Variants in ATXN2 observed in about 807,000 individuals in gnomAD.
ATXN2 encodes the protein ataxin 2.
In ATXN2, 37 loss-of-function variants were observed where a neutral mutation model predicts 138.6. The observed-to-expected ratio is 0.27, with a 90% CI of 0.21 to 0.35. ATXN2 has a LOEUF of 0.35. Ranked by LOEUF, ATXN2 falls within the 10% of genes least tolerant of loss-of-function variation. The pLI is 1.00. For missense variants in ATXN2, 1,216 were observed against 1,480.3 expected (o/e 0.82, Z 2.93); for synonymous variants, 549 against 543.7 (o/e 1.01, Z -0.13).
intron 6 of ATXN2, among the ~76,000 whole-genome samples, chr12:111,522,683 T>A (rs1319172943): frequency 6.6e-6 from 1 of 150,994 alleles, no homozygotes. Flanking sequence ...GAGGCCAAGG[T>A]GGGTGGATCA....
chr12:111,553,604 A>AATTTTTTT (rs1882237738), intron 3 of ATXN2, among the ~76,000 whole-genome samples: 32 of 85,008 alleles, frequency 3.8e-4, no homozygotes, highest in African/African-American at 1.8e-3. Context: ...AAAAAAAAAA[A>AATTTTTTT]TTTTTTTTTT....
At chr12:111,584,081 T>C (rs1463754095) in intron 1 of ATXN2, among the ~76,000 whole-genome samples, 1 of 146,134 alleles carries the variant, frequency 6.8e-6, no homozygotes, top group Admixed American at 6.6e-5. Flanking sequence ...AATAAAAAAT[T>C]ACTTAAAAAA....
At chr12:111,581,791 T>C (rs547122199) in intron 1 of ATXN2, 19 of 533,722 alleles carry the variant, frequency 3.6e-5, no homozygotes, top group Non-Finnish European at 5.7e-5. Flanking sequence ...TCAGGAGGCA[T>C]TATCTAGGCC....
Position 111,598,327 on chromosome 12 carries a change from C to T in ATXN2, c.251+457G>A. The T allele has an allele frequency of 2.0e-6, 2 of 993,450 alleles. No individual in the cohort carries two copies. Among genetic ancestry groups the T allele is most frequent in the Non-Finnish European group, 2.4e-6 (2 of 834,608 alleles). 61.5% of individuals were successfully genotyped at this position (993,450 alleles called of 1,614,324 possible). Reference sequence around the variant, plus strand: ...CTAACTTCTCCCCTCCAGAGATGTCCCCCATGGAGGGGGACATGTTCCGGA... The same window carrying T: ...CTAACTTCTCCCCTCCAGAGATGTCTCCCATGGAGGGGGACATGTTCCGGA... On this transcript the variant is annotated intron_variant, in intron 1 of 24. Coordinates refer to ENST00000673436, the MANE Select transcript of ATXN2 (RefSeq NM_001372574.1). The surrounding 1 kb of genome is among the most constrained non-coding windows in gnomAD (Gnocchi z 4.5).
intron 18 of ATXN2, among the ~76,000 whole-genome samples, chr12:111,483,814 G>A (rs532331014): frequency 3.9e-5 from 6 of 151,964 alleles, no homozygotes; most frequent in Non-Finnish European, 5.9e-5. Context: ...GCAGGGTTTC[G>A]CTCTTTCACC....
intron 14 of ATXN2, among the ~76,000 whole-genome samples, chr12:111,494,446 G>C (rs1272592195): frequency 7.5e-5 from 10 of 134,112 alleles, no homozygotes; most frequent in Admixed American, 7.1e-4. Context: ...TTTTTTTTGA[G>C]ACGGAGTCTC....
intron 1 of ATXN2, among the ~76,000 whole-genome samples, chr12:111,559,664 T>G (rs989586956): frequency 1.3e-5 from 2 of 149,956 alleles, no homozygotes; most frequent in African/African-American, 4.9e-5. Context: ...CCCAGATATT[T>G]GGGGAGGCTG....
intron 18 of ATXN2, among the ~76,000 whole-genome samples, chr12:111,477,225 G>A (rs934622908): frequency 2.6e-5 from 4 of 151,408 alleles, no homozygotes; most frequent in Non-Finnish European, 4.4e-5. Context: ...GTGTAGTGGC[G>A]GGCACCTGTA....
intron 18 of ATXN2, among the ~76,000 whole-genome samples, chr12:111,484,607 T>G (rs1230671635): frequency 6.6e-6 from 1 of 152,156 alleles, no homozygotes; most frequent in Non-Finnish European, 1.5e-5. Flanking sequence ...CGGCTAATTT[T>G]TGTATTTTAG....
Position 111,453,834 on chromosome 12 carries a change from C to A in ATXN2, c.3282G>T (p.Gln1094His). 3 of 1,612,284 alleles carry A rather than the reference C, an allele frequency of 1.9e-6. No individual in the cohort carries two copies. The highest frequency in any genetic ancestry group is 2.5e-6 in the Non-Finnish European group (3 of 1,179,032). ...HMAHVPQAHVQSGMVPSHPTA... is the reference protein window; with the variant it reads ...HMAHVPQAHVHSGMVPSHPTA... ...TTGGATGAGAAGGAACCATTCCTGA[C>A]TGTACATGAGCCTGAAACAGAGAGC... Residue 1094 changes from glutamine to histidine, a missense_variant, in exon 24 of 25, where the codon CAG (glutamine) becomes CAT (histidine). By Grantham distance (24) the Gln-to-His change is conservative. Transcript: ENST00000673436. This position sits in a 1 kb window ranked among gnomAD's most constrained non-coding sequence, Gnocchi z 5.4.
intron 21 of ATXN2, among the ~76,000 whole-genome samples, chr12:111,461,561 A>G (rs1274464348): frequency 6.6e-6 from 1 of 152,050 alleles, no homozygotes; most frequent in Non-Finnish European, 1.5e-5. Flanking sequence ...CTAGTAACAA[A>G]AATACAGTTC....
rs1183464612 is a variant in ATXN2 at position 111,453,170 on chromosome 12, G to A, written c.3440-330C>T. The A allele has an allele frequency of 3.4e-5, 39 of 1,138,018 alleles. No individual in the cohort carries two copies. Among genetic ancestry groups the A allele is most frequent in the South Asian group, 6.5e-5 (2 of 30,884 alleles). 70.5% of individuals were successfully genotyped at this position (1,138,018 alleles called of 1,614,324 possible). A position where few individuals can be genotyped will look rare whatever the true frequency, so the allele number is the denominator to read the frequency against. ...ATAACAGGTCAGACTGTGAAGTATCGCCATGGCAGCCATCAAGTAGTAGAG... is the reference window on the plus strand; with the variant it reads ...ATAACAGGTCAGACTGTGAAGTATCACCATGGCAGCCATCAAGTAGTAGAG... On this transcript the variant is annotated intron_variant, in intron 24 of 24. Transcript: ENST00000673436. The surrounding 1 kb of genome is among the most constrained non-coding windows in gnomAD (Gnocchi z 5.4).
chr12:111,575,238 G>A (rs753035324), intron 1 of ATXN2, among the ~76,000 whole-genome samples: 1 of 152,016 alleles, frequency 6.6e-6, no homozygotes, highest in African/African-American at 2.4e-5. Flanking sequence ...AGGGGCTGGA[G>A]CGCAGTGCTG....
chr12:111,530,251 G>T (rs1042697242), intron 5 of ATXN2, among the ~76,000 whole-genome samples: 5 of 152,192 alleles, frequency 3.3e-5, no homozygotes, highest in African/African-American at 1.2e-4. Flanking sequence ...ATTCACATTT[G>T]ACTGATACAA....
In ATXN2 at chr12:111,453,351, C is replaced by A; in HGVS notation, c.3439+326G>T. The A allele has an allele frequency of 7.2e-6, 8 of 1,104,780 alleles. No homozygotes were observed. The highest frequency in any genetic ancestry group is 7.7e-6 in the Non-Finnish European group (7 of 907,090). The allele number at this position is 1,104,780 out of a possible 1,614,324, so 68.4% of individuals were successfully genotyped here. ...CCCCACATGTCAGACTTTTGGGACT[C>A]AGGAAGGAAAACACTGCCCTGTCCA... On this transcript the variant is annotated intron_variant, in intron 24 of 24. Transcript: ENST00000673436. This position sits in a 1 kb window ranked among gnomAD's most constrained non-coding sequence, Gnocchi z 5.4.
At chr12:111,540,341 A>G (rs1480186208) in intron 5 of ATXN2, among the ~76,000 whole-genome samples, 1 of 150,610 alleles carries the variant, frequency 6.6e-6, no homozygotes, top group African/African-American at 2.4e-5. Context: ...AAACATATGC[A>G]TTACTTACCT....
At chr12:111,534,456 G>T (rs1481026131) in intron 5 of ATXN2, among the ~76,000 whole-genome samples, 2 of 152,070 alleles carry the variant, frequency 1.3e-5, no homozygotes, top group African/African-American at 4.8e-5. Flanking sequence ...ATATATATAT[G>T]TTGAACACCT....
chr12:111,507,610 C>G (rs1219883974), intron 14 of ATXN2, among the ~76,000 whole-genome samples: 1 of 152,136 alleles, frequency 6.6e-6, no homozygotes, highest in African/African-American at 2.4e-5. Context: ...GCCGCCCCTT[C>G]TGGGAAGTGA....
At chr12:111,587,073 CAAAAAAA>C (rs374631048) in intron 1 of ATXN2, among the ~76,000 whole-genome samples, 3 of 112,886 alleles carry the variant, frequency 2.7e-5, no homozygotes, top group South Asian at 3.2e-4. Flanking sequence ...CCATTTCTAC[CAAAAAAA>C]AAAAAAAAAA....
Sources: gnomAD v4.1 joint callset for allele counts (sites outside exome capture counted in the v4.1 genomes callset) on GRCh38, gnomAD v4.1.1 for gene constraint, Gnocchi (gnomAD v3.1) non-coding constraint, MANE v1.5 for transcripts, NCBI Gene and HGNC (gene_info 2026-07-23, HGNC 2026-07-21) for gene names.